The following METTL22 variants were observed in gnomAD, a reference collection of about 807,000 sequenced individuals.
METTL22 encodes the protein methyltransferase 22, Kin17 lysine, also known as methyltransferase-like protein 22.
METTL22 carries 51 observed loss-of-function variants against 48.4 expected under a neutral mutation model. The ratio of observed to expected loss-of-function variants is 1.05; its 90% CI spans 0.84 to 1.33. METTL22 has a LOEUF of 1.33. METTL22 is among the 40% of genes most tolerant of loss of function. The probability of loss-of-function intolerance (pLI) is 0.00; values close to 1 mark genes in which losing one functional copy is unlikely to be tolerated. For synonymous variants in METTL22, 255 were observed against 214.1 expected, an observed-to-expected ratio of 1.19 and a Z score of -1.67; for missense variants, 678 against 526.9, an observed-to-expected ratio of 1.29 and a Z score of -2.81.
At chr16:8,654,698 C>G in the METTL22 span, among the ~76,000 whole-genome samples, 1 of 152,170 alleles carries the variant, frequency 6.6e-6, no homozygotes, top group Non-Finnish European at 1.5e-5. Flanking sequence ...GAGGGCAAAT[C>G]ATCCCTTGGG....
intron 1 of METTL22, among the ~76,000 whole-genome samples, chr16:8,622,442 A>G (rs62019677): frequency 0.094 from 14,281 of 152,174 alleles, 777 homozygotes; most frequent in Middle Eastern, 0.15. Context: ...TGCTGCAGGG[A>G]TGAGCCTGCA....
At chr16:8,640,894 A>AGGTGGGTGGG (rs1457644420) in intron 6 of METTL22, among the ~76,000 whole-genome samples, 3 of 8,734 alleles carry the variant, frequency 3.4e-4, no homozygotes, top group East Asian at 6.5e-3. Context: ...GGGTGGGTGA[A>AGGTGGGTGGG]TGGATGGATG....
chr16:8,659,391 T>C, the METTL22 span, among the ~76,000 whole-genome samples: 2 of 151,262 alleles, frequency 1.3e-5, no homozygotes, highest in South Asian at 4.2e-4. Flanking sequence ...TCATGAGTCC[T>C]GGAATGACAG....
intron 7 of METTL22, 111 bp from the exon 8 acceptor site, chr16:8,642,016 C>G (rs1319494132): frequency 3.6e-6 from 3 of 822,846 alleles, no homozygotes; most frequent in African/African-American, 3.3e-5. Context: ...CTGCACCGAG[C>G]TACCCCCAGC....
chr16:8,626,035 C>T lies in METTL22; in HGVS notation c.133+237C>T, dbSNP rs114333936. 9.3e-3 allele frequency among the ~76,000 whole-genome samples: 1,420 copies of T among 152,270 alleles called. 28 individuals are homozygous for T. The highest frequency in any genetic ancestry group is 0.032 in the African/African-American group (1,329 of 41,546). On this transcript the variant is annotated intron_variant, in intron 2 of 10. Transcript: ENST00000381920. ...TTTCTTAAAGACAATCTCACTCTGT[C>T]ACCCAGTCTGGAGTGCAGTGGCACA...
At chr16:8,654,048 C>A (rs1459861210), downstream of METTL22, among the ~76,000 whole-genome samples, 1 of 152,116 alleles carries the variant, frequency 6.6e-6, no homozygotes, top group Non-Finnish European at 1.5e-5. Flanking sequence ...CAGGCTCAAG[C>A]AAAATGGGAG....
In METTL22 at chr16:8,635,297, A is replaced by G; in HGVS notation, c.685A>G (p.Thr229Ala). Residue 229 changes from threonine to alanine, a missense_variant, in exon 5 of 11, where the codon ACC (threonine) becomes GCC (alanine). Coordinates refer to ENST00000381920, the MANE Select transcript of METTL22 (RefSeq NM_024109.4). ...ASIIAATMARTVYCTDVGADL... is the reference protein window; with the variant it reads ...ASIIAATMARAVYCTDVGADL... Reference sequence around the variant, plus strand: ...CATCATCGCAGCCACCATGGCACGGACCGTTTATTGTACAGGTAATGAGGT... The same window carrying G: ...CATCATCGCAGCCACCATGGCACGGGCCGTTTATTGTACAGGTAATGAGGT... The G allele has an allele frequency of 6.3e-7, 1 of 1,582,842 alleles. No homozygotes were observed. Among genetic ancestry groups the G allele is most frequent in the African/African-American group, 1.3e-5 (1 of 74,548 alleles).
chr16:8,645,777 A>C, intron 10 of METTL22: 1 of 381,376 alleles, frequency 2.6e-6, no homozygotes, highest in Non-Finnish European at 3.9e-6. Context: ...TCCTGTCTCT[A>C]AAATAAAATT....
At chr16:8,641,787 C>T in intron 7 of METTL22, 2 of 450,848 alleles carry the variant, frequency 4.4e-6, no homozygotes, top group Non-Finnish European at 8.2e-6. Flanking sequence ...TCTGTGAGTG[C>T]AAAACTGAGG....
chr16:8,664,852 G>T, the METTL22 span, among the ~76,000 whole-genome samples: 21 of 146,620 alleles, frequency 1.4e-4, 1 homozygote, highest in Admixed American at 1.2e-3. Context: ...CTTATCCAGG[G>T]CCCTAGAGCA....
rs1305319623 is a variant in METTL22, at chr16:8,625,810, G to A, written c.133+12G>A. The A allele has an allele frequency of 3.7e-6, 6 of 1,613,392 alleles. No homozygotes were observed. The South Asian group carries it at 4.4e-5, about 12-fold the overall frequency. On this transcript the variant is annotated intron_variant, in intron 2 of 10. Coordinates refer to ENST00000381920, the MANE Select transcript of METTL22 (RefSeq NM_024109.4). The stretch of plus-strand genomic sequence containing the variant: ...CGTGGGGCAGCCAGGTAAGGTCCTG[G>A]GCCCAGGTGCCCTGCGGATCCTATT...
the METTL22 span, among the ~76,000 whole-genome samples, chr16:8,662,837 C>G: frequency 1.2e-4 from 18 of 144,762 alleles, 1 homozygote; most frequent in Middle Eastern, 3.4e-3. Context: ...ACTACTAGTA[C>G]TTACTTCTCA....
chr16:8,646,808 C>T lies in METTL22; in HGVS notation c.*665C>T, dbSNP rs1164180058. The T allele has an allele frequency of 2.5e-6, 1 of 396,156 alleles. No homozygotes were observed. Among genetic ancestry groups the T allele is most frequent in the Non-Finnish European group, 5.1e-6 (1 of 197,056 alleles). The allele number at this position is 396,156 out of a possible 1,614,324, so 24.5% of individuals were successfully genotyped here. A position where few individuals can be genotyped will look rare whatever the true frequency, so the allele number is the denominator to read the frequency against. ...TGCAGTGATCTTCCTCAGAGGTGTT[C>T]CCTTCCGCCTGGACTCATTTTCCCT... On this transcript the variant is annotated 3_prime_UTR_variant, in exon 11 of 11. Transcript: ENST00000381920.
At chr16:8,657,430 G>C in the METTL22 span, among the ~76,000 whole-genome samples, 1 of 152,160 alleles carries the variant, frequency 6.6e-6, no homozygotes, top group Non-Finnish European at 1.5e-5. Context: ...GTGATCTTGG[G>C]GGCTGAAGTT....
chr16:8,663,951 C>T, the METTL22 span, among the ~76,000 whole-genome samples: 3 of 152,132 alleles, frequency 2.0e-5, no homozygotes, highest in Admixed American at 6.5e-5. Context: ...CCAGGAGCAC[C>T]TCCCTGTCTC....
chr16:8,633,038 GGGAGA>G (rs756537772), intron 3 of METTL22, among the ~76,000 whole-genome samples: 34 of 152,160 alleles, frequency 2.2e-4, no homozygotes, highest in Non-Finnish European at 4.9e-4. Flanking sequence ...GGCCAATGGA[GGGAGA>G]GGAGAGGAGA....
chr16:8,629,834 G>C (rs74007885), intron 3 of METTL22, among the ~76,000 whole-genome samples: 5,245 of 152,176 alleles, frequency 0.034, 310 homozygotes, highest in African/African-American at 0.12. Flanking sequence ...GGAAGTGATC[G>C]GTCCTGGTTA....
the METTL22 span, among the ~76,000 whole-genome samples, chr16:8,657,824 C>CTTTTCTTTTTTTTTTTTTTT: frequency 2.9e-5 from 4 of 137,430 alleles, no homozygotes; most frequent in African/African-American, 1.2e-4. Flanking sequence ...TCTTTTCTTT[C>CTTTTCTTTTTTTTTTTTTTT]TTTTTTTTTT....
chr16:8,650,466 ACTT>A (rs2056878795), downstream of METTL22, among the ~76,000 whole-genome samples: 1 of 152,228 alleles, frequency 6.6e-6, no homozygotes, highest in East Asian at 1.9e-4. Flanking sequence ...AAATAGTAAA[ACTT>A]CTTGATAGGT....
Sources: gnomAD v4.1 joint callset for allele counts (sites outside exome capture counted in the v4.1 genomes callset) on GRCh38, gnomAD v4.1.1 for gene constraint, MANE v1.5 for transcripts, NCBI Gene and HGNC (gene_info 2026-07-23, HGNC 2026-07-21) for gene names.